The following HSD17B11 variants were observed in gnomAD, a reference collection of about 807,000 sequenced individuals.
HSD17B11 encodes the protein estradiol 17-beta-dehydrogenase 11.
HSD17B11 carries 22 observed loss-of-function variants against 27.8 expected under a neutral mutation model. The ratio of observed to expected loss-of-function variants is 0.79; its 90% confidence interval spans 0.56 to 1.13. The LOEUF (loss-of-function observed/expected upper bound fraction) is 1.13. Ranked by LOEUF, HSD17B11 falls within the 50% of genes most tolerant of loss-of-function variation. HSD17B11 has a pLI of 0.00. For missense variants in HSD17B11, 314 were observed against 351.1 expected, an observed-to-expected ratio of 0.89 and a Z score of 0.84; for synonymous variants, 117 against 132.8, an observed-to-expected ratio of 0.88 and a Z score of 0.82.
chr4:87,370,755 ATTTT>A (rs57047986), intron 4 of HSD17B11, among the ~76,000 whole-genome samples: 3 of 57,534 alleles, frequency 5.2e-5, no homozygotes, highest in Admixed American at 2.2e-4. Flanking sequence ...TATTATTATT[ATTTT>A]TTTTTTTTTT....
In HSD17B11 at chr4:87,382,299, C is replaced by T. The variant is rs1175579589; in HGVS notation, c.274G>A (p.Val92Ile). 2 of 1,613,920 alleles carry T rather than the reference C, an allele frequency of 1.2e-6. No individual in the cohort carries two copies. Among genetic ancestry groups the T allele is most frequent in the African/African-American group, 1.3e-5 (1 of 74,920 alleles). ...ATATCTTCTCGGTTGCTGCAGTCTACCACAAAGGTATGAACCTTGGCACCC... is the reference window on the plus strand; with the variant it reads ...ATATCTTCTCGGTTGCTGCAGTCTATCACAAAGGTATGAACCTTGGCACCC... ...GLGAKVHTFVVDCSNREDIYS... is the reference protein window; with the variant it reads ...GLGAKVHTFVIDCSNREDIYS... The change falls in exon 2 of 7, where the codon GTA (valine) becomes ATA (isoleucine). Residue 92 changes from valine to isoleucine, a missense_variant. Coordinates refer to ENST00000358290, the MANE Select transcript of HSD17B11 (RefSeq NM_016245.5).
At chr4:87,389,436 C>T (rs371055264) in intron 1 of HSD17B11, among the ~76,000 whole-genome samples, 10 of 152,118 alleles carry the variant, frequency 6.6e-5, no homozygotes, top group African/African-American at 2.4e-4. Context: ...GTTAGCCAGG[C>T]TGGTCTTGAA....
chr4:87,353,716 T>C (rs1468692653), intron 5 of HSD17B11, among the ~76,000 whole-genome samples: 1 of 150,832 alleles, frequency 6.6e-6, no homozygotes, highest in Non-Finnish European at 1.5e-5. Flanking sequence ...TAAGGTCAGC[T>C]CTGTGCGGCC....
chr4:87,356,063 C>T (rs1735378676), intron 5 of HSD17B11, among the ~76,000 whole-genome samples: 1 of 152,096 alleles, frequency 6.6e-6, no homozygotes, highest in Non-Finnish European at 1.5e-5. Context: ...AGGGTAAAAA[C>T]AAAGATGATT....
At chr4:87,375,997 C>A (rs900136157) in intron 2 of HSD17B11, among the ~76,000 whole-genome samples, 4 of 152,172 alleles carry the variant, frequency 2.6e-5, no homozygotes, top group African/African-American at 9.7e-5. Context: ...TCAATTCTTC[C>A]TCTGCAAAAT....
At chr4:87,347,379 GT>G (rs1261091569) in intron 5 of HSD17B11, among the ~76,000 whole-genome samples, 1 of 24,198 alleles carries the variant, frequency 4.1e-5, no homozygotes, top group Non-Finnish European at 7.5e-5. Context: ...GCGGTGTTTG[GT>G]TTTTTGTTCT....
chr4:87,362,386 C>T (rs1379723052), intron 4 of HSD17B11, among the ~76,000 whole-genome samples: 3 of 152,108 alleles, frequency 2.0e-5, no homozygotes, highest in Non-Finnish European at 4.4e-5. Flanking sequence ...ATTAGCCAGA[C>T]GTGGTGATGC....
Position 87,390,885 on chromosome 4 carries a change from C to T in HSD17B11, c.186G>A (p.Lys62=), listed in dbSNP as rs770088317. Residue 62 remains lysine (K), a synonymous_variant, in exon 1 of 7, where the codon AAG becomes AAA. Coordinates refer to ENST00000358290, the MANE Select transcript of HSD17B11 (RefSeq NM_016245.5). ...TAYEFAKLKS[K]LVLWDINKHG... ...CCTTATTTATATCCCAGAGAACCAG[C>T]TTGCTTTTAAGTTTAGCAAATTCAT... 3.5e-5 allele frequency: 56 copies of T among 1,614,020 alleles called. No homozygotes were observed. The highest frequency in any genetic ancestry group is 4.7e-5 in the Non-Finnish European group (56 of 1,179,986).
intron 4 of HSD17B11, among the ~76,000 whole-genome samples, chr4:87,368,174 G>A (rs867634434): frequency 3.0e-4 from 46 of 152,028 alleles, no homozygotes; most frequent in African/African-American, 5.6e-4. Flanking sequence ...AAAATTAGCC[G>A]GGTGTGGTGG....
chr4:87,389,225 A>T (rs145616428), intron 1 of HSD17B11, among the ~76,000 whole-genome samples: 271 of 152,026 alleles, frequency 1.8e-3, no homozygotes, highest in African/African-American at 5.6e-3. Flanking sequence ...TAATTTAATT[A>T]ATTTATTTAT....
At chr4:87,366,736 T>C (rs190074214) in intron 4 of HSD17B11, among the ~76,000 whole-genome samples, 1 of 152,316 alleles carries the variant, frequency 6.6e-6, no homozygotes, top group East Asian at 1.9e-4. Flanking sequence ...TAATCTTCTT[T>C]AAAAGGTGGT....
chr4:87,377,121 C>G (rs1360533473), intron 2 of HSD17B11, among the ~76,000 whole-genome samples: 1 of 151,614 alleles, frequency 6.6e-6, no homozygotes, highest in Non-Finnish European at 1.5e-5. Context: ...CAGAGCAAGA[C>G]TCTGTCTCAA....
At position 87,381,186 on chromosome 4, in the gene HSD17B11, CAA is replaced by C. The variant is rs58998729; in HGVS notation, c.318+1067_318+1068del. Reference sequence around the variant, plus strand: ...TGGGCGACAGAGTGAGACTCCATTTCAAAAAAAAAAAAAAAAAAAAAGAACTC... The same window carrying C: ...TGGGCGACAGAGTGAGACTCCATTTCAAAAAAAAAAAAAAAAAAAGAACTC... On this transcript the variant is annotated intron_variant, in intron 2 of 6. Transcript: ENST00000358290. Among the ~76,000 whole-genome samples, 370 of 114,320 alleles carry C rather than the reference CAA, an allele frequency of 3.2e-3. 1 individual carries two copies. The highest frequency in any genetic ancestry group is 0.011 in the African/African-American group (342 of 30,216). The allele number at this position is 114,320 out of a possible 152,430, so 75.0% of individuals were successfully genotyped here. A position where few individuals can be genotyped will look rare whatever the true frequency, so the allele number is the denominator to read the frequency against.
intron 2 of HSD17B11, among the ~76,000 whole-genome samples, chr4:87,378,841 TA>T (rs1720003905): frequency 3.2e-5 from 1 of 31,712 alleles, no homozygotes; most frequent in African/African-American, 1.9e-4. Context: ...AATATATATA[TA>T]TAAATATATA....
At chr4:87,387,467 T>C (rs540953340) in intron 1 of HSD17B11, among the ~76,000 whole-genome samples, 5 of 152,318 alleles carry the variant, frequency 3.3e-5, no homozygotes, top group Non-Finnish European at 7.3e-5. Context: ...TTCTTCCTCA[T>C]TCTCCAGGTA....
At chr4:87,358,678 A>G (rs1389015197) in intron 4 of HSD17B11, among the ~76,000 whole-genome samples, 1 of 152,174 alleles carries the variant, frequency 6.6e-6, no homozygotes, top group Non-Finnish European at 1.5e-5. Flanking sequence ...ATTATCAGAT[A>G]ATCTTTTATT....
chr4:87,364,516 T>C (rs1050595619), intron 4 of HSD17B11, among the ~76,000 whole-genome samples: 1 of 152,130 alleles, frequency 6.6e-6, no homozygotes, highest in African/African-American at 2.4e-5. Context: ...GGAGGGATAC[T>C]TGACTCTGCA....
At chr4:87,358,795 T>A (rs28706177) in intron 4 of HSD17B11, among the ~76,000 whole-genome samples, 60,299 of 132,378 alleles carry the variant, frequency 0.46, 12,369 homozygotes, top group Non-Finnish European at 0.51. Context: ...TAAAAAATTT[T>A]AAAAAAAATT....
intron 4 of HSD17B11, among the ~76,000 whole-genome samples, chr4:87,369,713 GGTGTCA>G (rs1560765489): frequency 6.6e-6 from 1 of 152,174 alleles, no homozygotes; most frequent in African/African-American, 2.4e-5. Context: ...GGGGATTACA[GGTGTCA>G]GCCACCATGC....
Sources: gnomAD v4.1 joint callset for allele counts (sites outside exome capture counted in the v4.1 genomes callset) on GRCh38, gnomAD v4.1.1 for gene constraint, MANE v1.5 for transcripts, NCBI Gene and HGNC (gene_info 2026-07-23, HGNC 2026-07-21) for gene names.